The following MYPN variants were observed in gnomAD, a reference collection of about 807,000 sequenced individuals.
MYPN encodes sarcomeric protein myopalladin, 145 kDa (MYOP).
In MYPN, 63 loss-of-function variants were observed where a neutral mutation model predicts 129.4. The ratio of observed to expected loss-of-function variants is 0.49; its 90% CI spans 0.40 to 0.60. The LOEUF (loss-of-function observed/expected upper bound fraction) is 0.60. Ranked by LOEUF, MYPN falls within the 20% of genes least tolerant of loss-of-function variation. The pLI, the probability that MYPN is intolerant of heterozygous loss-of-function variation, is 0.00. For missense variants in MYPN, 1,596 were observed against 1,635.4 expected (o/e 0.98, Z 0.42); for synonymous variants, 629 against 600.9 (o/e 1.05, Z -0.68).
Position 68,174,332 on chromosome 10 carries a change from T to C in MYPN, c.2240T>C (p.Leu747Ser), listed in dbSNP as rs758580382. Residue 747 changes from leucine to serine, a missense_variant, in exon 11 of 20, where the codon TTG becomes TCG. Transcript: ENST00000358913. The stretch of plus-strand genomic sequence containing the variant: ...CCTTCCAGCTCTCCGGTGTTCACTT[T>C]GAGCAGCACTCCTCAAACTATTCAG... ...VAPSSSPVFT[L>S]SSTPQTIQRT... 9.3e-6 allele frequency: 15 copies of C among 1,614,028 alleles called. No homozygotes were observed. In the East Asian group the frequency reaches 3.1e-4, roughly 34 times the overall value.
chr10:68,111,128 T>A (rs2042075612), intron 1 of MYPN, among the ~76,000 whole-genome samples: 1 of 152,206 alleles, frequency 6.6e-6, no homozygotes, highest in African/African-American at 2.4e-5. Context: ...AACCACAATT[T>A]ATGGACACAA....
At chr10:68,100,208 T>C (rs1028772591) in intron 1 of MYPN, among the ~76,000 whole-genome samples, 2 of 152,174 alleles carry the variant, frequency 1.3e-5, no homozygotes. Flanking sequence ...GTAAATTAAA[T>C]TATGAATTAA....
Position 68,122,088 on chromosome 10 carries a change from C to T in MYPN, c.650C>T (p.Ala217Val), listed in dbSNP as rs199476403. 6.8e-6 allele frequency: 11 copies of T among 1,614,136 alleles called. No individual in the cohort carries two copies. In the East Asian group the frequency reaches 1.8e-4, roughly 26 times the overall value. The change falls in exon 2 of 20, where the codon GCG becomes GTG. Residue 217 changes from alanine (A) to valine (V), a missense_variant. Transcript: ENST00000358913. The part of the protein sequence containing the change: ...ERSSVPIPIP[A>V]DTRDNEVNHA... ...TCTTCTGTTCCCATCCCTATCCCTG[C>T]GGATACCAGGGATAATGAAGTGAAT...
At chr10:68,201,186 G>T (rs1305642225) in intron 17 of MYPN, among the ~76,000 whole-genome samples, 2 of 152,218 alleles carry the variant, frequency 1.3e-5, no homozygotes, top group African/African-American at 2.4e-5. Context: ...CTACTGTTGA[G>T]ATATAAAAGA....
chr10:68,198,662 C>T (rs1458282003), intron 16 of MYPN, among the ~76,000 whole-genome samples: 1 of 152,096 alleles, frequency 6.6e-6, no homozygotes, highest in East Asian at 1.9e-4. Flanking sequence ...TAAATGGGCA[C>T]CAGGATTTTT....
In MYPN at chr10:68,188,966, G is replaced by A. The variant is rs2043465909; in HGVS notation, c.2765G>A (p.Arg922His). Residue 922 changes from arginine (R) to histidine (H), a missense_variant, in exon 13 of 20, where the codon CGT (arginine) becomes CAT (histidine). Coordinates refer to ENST00000358913, the MANE Select transcript of MYPN (RefSeq NM_032578.4). ...LMNEIEFRLE[R>H]TPVDESDDEI... is the part of the protein sequence containing the mutation. ...AATGAAATAGAGTTTCGCTTGGAAC[G>A]TACTCCTGTTGATGAATCAGATGAT... is the stretch of plus-strand genomic sequence containing the variant. 2 of 1,614,122 alleles carry A rather than the reference G, an allele frequency of 1.2e-6. No individual in the cohort carries two copies. The highest frequency in any genetic ancestry group is 1.7e-6 in the Non-Finnish European group (2 of 1,180,020).
intron 1 of MYPN, among the ~76,000 whole-genome samples, chr10:68,090,663 T>C (rs1276217986): frequency 6.6e-6 from 1 of 152,138 alleles, no homozygotes; most frequent in Admixed American, 6.5e-5. Context: ...TATCTACATC[T>C]CCAGACTAGG....
intron 11 of MYPN, 108 bp from the exon 12 acceptor site, chr10:68,175,215 C>A: frequency 8.4e-7 from 1 of 1,190,216 alleles, no homozygotes; most frequent in Non-Finnish European, 1.2e-6. Context: ...CCCTAAGTGC[C>A]TAATGACCGC....
chr10:68,180,867 G>A (rs2043303303), intron 12 of MYPN, among the ~76,000 whole-genome samples: 1 of 152,192 alleles, frequency 6.6e-6, no homozygotes, highest in South Asian at 2.1e-4. Context: ...ATGTGTCCCA[G>A]AAATCAAATG....
chr10:68,204,725 CAAAA>C lies in MYPN; in HGVS notation c.3660-2028_3660-2025del, dbSNP rs33973275. ...AGAGTGAGACTCTGAGACTCTGTCT[CAAAA>C]AAAAAAAAAAAAAAAAGAGAATACA... On this transcript the variant is annotated intron_variant, in intron 18 of 19. Coordinates refer to ENST00000358913, the MANE Select transcript of MYPN (RefSeq NM_032578.4). Among the ~76,000 whole-genome samples, 13 of 89,342 alleles carry C rather than the reference CAAAA, an allele frequency of 1.5e-4. 1 individual carries two copies. In the South Asian group the frequency reaches 2.1e-3, roughly 14 times the overall value. The allele number at this position is 89,342 out of a possible 152,430, so 58.6% of individuals were successfully genotyped here.
intron 8 of MYPN, among the ~76,000 whole-genome samples, chr10:68,164,166 G>A (rs1018264755): frequency 7.9e-5 from 12 of 152,158 alleles, no homozygotes; most frequent in African/African-American, 2.9e-4. Flanking sequence ...AAAGAACAGG[G>A]ATTTATTTCT....
intron 10 of MYPN, among the ~76,000 whole-genome samples, chr10:68,171,155 A>AAAG (rs1564678334): frequency 1.3e-5 from 2 of 151,630 alleles, no homozygotes; most frequent in East Asian, 1.9e-4. Flanking sequence ...TCAAAAAAAA[A>AAAG]AAAGAAAGAA....
intron 17 of MYPN, among the ~76,000 whole-genome samples, chr10:68,200,386 G>C (rs773554029): frequency 2.0e-5 from 3 of 152,190 alleles, no homozygotes; most frequent in Non-Finnish European, 2.9e-5. Flanking sequence ...TCATCTGGGA[G>C]GTGCCAGCCC....
chr10:68,115,132 G>A (rs1424102128), intron 1 of MYPN, among the ~76,000 whole-genome samples: 5 of 151,786 alleles, frequency 3.3e-5, no homozygotes, highest in East Asian at 1.9e-4. Context: ...GGTGGCACGC[G>A]CCTGGAATCC....
At chr10:68,142,758 A>G (rs1361641530) in intron 2 of MYPN, among the ~76,000 whole-genome samples, 182 bp from the exon 3 acceptor site, 1 of 152,198 alleles carries the variant, frequency 6.6e-6, no homozygotes, top group Non-Finnish European at 1.5e-5. Flanking sequence ...GTGTGGTGTC[A>G]GTATGGTTTG....
chr10:68,088,433 A>G (rs1328067242), intron 1 of MYPN, among the ~76,000 whole-genome samples: 2 of 152,212 alleles, frequency 1.3e-5, no homozygotes, highest in African/African-American at 4.8e-5. Context: ...GATTGAGGAC[A>G]GTCAACAGAA....
intron 2 of MYPN, 151 bp from the exon 3 acceptor site, chr10:68,142,789 C>A: frequency 1.3e-6 from 1 of 777,238 alleles, no homozygotes; most frequent in Non-Finnish European, 2.2e-6. Flanking sequence ...ACTCTTCTCA[C>A]TGTTACAAAA....
intron 1 of MYPN, among the ~76,000 whole-genome samples, chr10:68,111,293 A>G (rs2042077905): frequency 6.6e-6 from 1 of 152,206 alleles, no homozygotes. Context: ...GTGAGAGTTC[A>G]ATTTTTCAAC....
intron 2 of MYPN, among the ~76,000 whole-genome samples, chr10:68,123,492 A>G (rs918889753): frequency 2.0e-5 from 3 of 150,566 alleles, no homozygotes; most frequent in African/African-American, 4.9e-5. Context: ...CTGGCTAAAA[A>G]GGTGAAACCC....
Sources: gnomAD v4.1 joint callset for allele counts (sites outside exome capture counted in the v4.1 genomes callset) on GRCh38, gnomAD v4.1.1 for gene constraint, MANE v1.5 for transcripts, NCBI Gene and HGNC (gene_info 2026-07-23, HGNC 2026-07-21) for gene names.